SLC39A5: variants seen among roughly 807,000 people sequenced by gnomAD.
SLC39A5 encodes zinc transporter ZIP5.
In SLC39A5, 42 loss-of-function variants were observed where a neutral mutation model predicts 46.9. The ratio of observed to expected loss-of-function variants is 0.90; its 90% CI spans 0.70 to 1.16. The LOEUF is 1.16. Among genes scored for constraint, SLC39A5 ranks in the 50% most tolerant of loss-of-function variants. The pLI is 0.00. For synonymous variants in SLC39A5, 311 were observed against 323.1 expected (o/e 0.96, Z 0.40); for missense variants, 677 against 686.8 (o/e 0.99, Z 0.16).
chr12:56,233,862 CT>C (rs1870473902), intron 5 of SLC39A5, among the ~76,000 whole-genome samples: 1 of 152,166 alleles, frequency 6.6e-6, no homozygotes, highest in African/African-American at 2.4e-5. Context: ...GGTCTTTTCC[CT>C]TTTAAGATTC....
intron 10 of SLC39A5, 47 bp downstream of exon 10, chr12:56,236,793 G>A: frequency 6.3e-7 from 1 of 1,577,586 alleles, no homozygotes; most frequent in Non-Finnish European, 8.6e-7. Context: ...GGGAGGCCAG[G>A]GCTCCTAGTT....
chr12:56,232,640 G>A (rs753748861), intron 4 of SLC39A5, 49 bp from the exon 5 acceptor site: 3 of 1,524,302 alleles, frequency 2.0e-6, no homozygotes, highest in Non-Finnish European at 2.6e-6. Flanking sequence ...CTCAAAGCGG[G>A]TTGATAGAGA....
intron 3 of SLC39A5, 145 bp from the exon 4 acceptor site, chr12:56,231,059 C>T (rs1870153809): frequency 5.8e-6 from 3 of 518,080 alleles, no homozygotes; most frequent in Non-Finnish European, 1.0e-5. Flanking sequence ...GCTGCTCCCG[C>T]AGGAGGCAGT....
intron 12 of SLC39A5, 21 bp downstream of exon 12, chr12:56,237,361 C>T: frequency 6.4e-7 from 1 of 1,565,686 alleles, no homozygotes; most frequent in Non-Finnish European, 8.7e-7. Context: ...TCGGGTAGAG[C>T]AGAGAAATCA....
chr12:56,236,982 T>G lies in SLC39A5; in HGVS notation c.1259T>G (p.Val420Gly), dbSNP rs1465619198. 1 of 1,614,044 alleles carries G rather than the reference T, an allele frequency of 6.2e-7. No individual in the cohort carries two copies. Among genetic ancestry groups the G allele is most frequent in the Non-Finnish European group, 8.5e-7 (1 of 1,179,954 alleles). Residue 420 changes from valine to glycine, a missense_variant, in exon 11 of 13, where the codon GTC becomes GGC. By Grantham distance (109) the Val-to-Gly change is moderately radical. Coordinates refer to ENST00000454355, the MANE Select transcript of SLC39A5 (RefSeq NM_173596.3). ...AGCGGCCTCAGTACCACCTTAGCGG[T>G]CTTCTGCCATGAGCTGCCCCACGAA... ...FSSGLSTTLA[V>G]FCHELPHELG...
At chr12:56,231,069 T>G in intron 3 of SLC39A5, 135 bp from the exon 4 acceptor site, 2 of 541,134 alleles carry the variant, frequency 3.7e-6, no homozygotes, top group Non-Finnish European at 6.4e-6. Context: ...CAGGAGGCAG[T>G]GTGAAGGGAG....
At position 56,232,462 on chromosome 12, in the gene SLC39A5, A is replaced by G. The variant is rs186375036; in HGVS notation, c.288-227A>G. On this transcript the variant is annotated intron_variant, in intron 4 of 12. Transcript: ENST00000454355. Reference sequence around the variant, plus strand: ...ATTACAGGCGTGAGCCACCGTGCCCAGCCATTCGTAGCCCTTTTGGTTGTC... The same window carrying G: ...ATTACAGGCGTGAGCCACCGTGCCCGGCCATTCGTAGCCCTTTTGGTTGTC... Among the ~76,000 whole-genome samples, 12 of 152,000 alleles carry G rather than the reference A, an allele frequency of 7.9e-5. No homozygotes were observed. The South Asian group carries it at 8.3e-4, about 11-fold the overall frequency.
chr12:56,232,229 G>A, intron 4 of SLC39A5, among the ~76,000 whole-genome samples: 1 of 135,618 alleles, frequency 7.4e-6, no homozygotes, highest in African/African-American at 2.8e-5. Flanking sequence ...GCAGTGGTGT[G>A]ATCTTGGCTC....
Position 56,234,666 on chromosome 12 carries a change from G to A in SLC39A5, c.472-158G>A, listed in dbSNP as rs148291320. On this transcript the variant is annotated intron_variant, in intron 5 of 12. Coordinates refer to ENST00000454355, the MANE Select transcript of SLC39A5 (RefSeq NM_173596.3). ...AGTAGAGACAGGGTTTCACTATGTT[G>A]GCCAGGTTGGTCTCAAACTCCTGAC... 2.0e-3 allele frequency among the ~76,000 whole-genome samples: 298 copies of A among 152,192 alleles called. 9 individuals are homozygous for A. In the East Asian group the frequency reaches 0.045, roughly 23 times the overall value.
chr12:56,237,523 C>A, intron 12 of SLC39A5, 65 bp from the exon 13 acceptor site: 1 of 1,605,928 alleles, frequency 6.2e-7, no homozygotes. Flanking sequence ...CTTTCTGACA[C>A]CATTCCTCTG....
At position 56,231,513 on chromosome 12, in the gene SLC39A5, C is replaced by G; in HGVS notation, c.239C>G (p.Pro80Arg). 1 of 1,596,288 alleles carries G rather than the reference C, an allele frequency of 6.3e-7. No homozygotes were observed. Among genetic ancestry groups the G allele is most frequent in the Non-Finnish European group, 8.5e-7 (1 of 1,170,106 alleles). ...GGGCTTCGCCTGGGACAGCATGGGC[C>G]TCTGACTGGACGGGCTGCATCCCCA... ...VQGLRLGQHG[P>R]LTGRAASPAA... Residue 80 changes from proline to arginine, a missense_variant, in exon 4 of 13, where the codon CCT (proline) becomes CGT (arginine). Coordinates refer to ENST00000454355, the MANE Select transcript of SLC39A5 (RefSeq NM_173596.3).
intron 12 of SLC39A5, 106 bp from the exon 13 acceptor site, chr12:56,237,482 G>A: frequency 1.9e-6 from 3 of 1,573,358 alleles, no homozygotes; most frequent in Non-Finnish European, 2.6e-6. Flanking sequence ...AGAAACAAGG[G>A]ACTAAGGTGT....
chr12:56,235,773 G>T, intron 8 of SLC39A5, 73 bp downstream of exon 8: 1 of 1,583,348 alleles, frequency 6.3e-7, no homozygotes. Context: ...GGCCGGGCGC[G>T]GTGGCTCACG....
chr12:56,231,518 A>C lies in SLC39A5; in HGVS notation c.244A>C (p.Thr82Pro). ...GLRLGQHGPL[T>P]GRAASPAADN... ...TCGCCTGGGACAGCATGGGCCTCTG[A>C]CTGGACGGGCTGCATCCCCAGCTGC... Residue 82 changes from threonine (T) to proline (P), a missense_variant, in exon 4 of 13, where the codon ACT becomes CCT. Physicochemically the swap from Thr to Pro is conservative, Grantham distance 38 (BLOSUM62 -1). Transcript: ENST00000454355. 6.3e-7 allele frequency: 1 copy of C among 1,591,440 alleles called. No individual in the cohort carries two copies. Among genetic ancestry groups the C allele is most frequent in the South Asian group, 1.1e-5 (1 of 87,626 alleles).
At chr12:56,237,097 G>A in intron 11 of SLC39A5, 53 bp from the exon 12 acceptor site, 1 of 1,612,158 alleles carries the variant, frequency 6.2e-7, no homozygotes, top group South Asian at 1.1e-5. Context: ...GGGTGGCATG[G>A]ATGAGGGGCA....
chr12:56,232,875 GAGTCTGACGGTCTCT>G lies in SLC39A5; in HGVS notation c.471+6_471+20del, dbSNP rs1410106756. 26 of 1,607,794 alleles carry G rather than the reference GAGTCTGACGGTCTCT, an allele frequency of 1.6e-5. No individual in the cohort carries two copies. Among genetic ancestry groups the G allele is most frequent in the Non-Finnish European group, 2.2e-5 (26 of 1,177,708 alleles). On this transcript the variant is annotated splice_donor_5th_base_variant and intron_variant, in intron 5 of 12. Transcript: ENST00000454355. The stretch of plus-strand genomic sequence containing the variant: ...TGGCTGACCACCTGAATGAGGATGT[GAGTCTGACGGTCTCT>G]AGAGGGGAAGGAGCCATGGGATTAG...
Position 56,237,593 on chromosome 12 carries a change from A to C in SLC39A5, c.1485A>C (p.Pro495=). The change falls in exon 13 of 13, where the codon CCA becomes CCC. Residue 495 remains proline, a synonymous_variant. Transcript: ENST00000454355. ...ACATCCTCTTTTTCTTTCAGCTACCAGCCCTGCTTCGTCCTCCGGAGCCCC... is the reference window on the plus strand; with the variant it reads ...ACATCCTCTTTTTCTTTCAGCTACCCGCCCTGCTTCGTCCTCCGGAGCCCC... ...FLYVALVDML[P]ALLRPPEPLP... 1 of 1,613,784 alleles carries C rather than the reference A, an allele frequency of 6.2e-7. No homozygotes were observed.
In SLC39A5 at chr12:56,237,676, T is replaced by C. The variant is rs763330739; in HGVS notation, c.1568T>C (p.Met523Thr). The C allele has an allele frequency of 1.2e-6, 2 of 1,607,272 alleles. No individual in the cohort carries two copies. Among genetic ancestry groups the C allele is most frequent in the Admixed American group, 1.7e-5 (1 of 58,776 alleles). The change falls in exon 13 of 13, where the codon ATG becomes ACG. Residue 523 changes from methionine (M) to threonine (T), a missense_variant. By Grantham distance (81) the Met-to-Thr change is moderately conservative (BLOSUM62 -1). Coordinates refer to ENST00000454355, the MANE Select transcript of SLC39A5 (RefSeq NM_173596.3). Reference protein sequence around the residue: ...GLGLLLGGGLMLAITLLEERL... With the variant: ...GLGLLLGGGLTLAITLLEERL... The stretch of plus-strand genomic sequence containing the variant: ...GGGCTGCTGCTGGGGGGCGGCCTCA[T>C]GCTTGCCATAACCCTGCTGGAGGAG...
At chr12:56,232,347 G>A (rs561290157) in intron 4 of SLC39A5, among the ~76,000 whole-genome samples, 2 of 151,672 alleles carry the variant, frequency 1.3e-5, no homozygotes, top group East Asian at 1.9e-4. Context: ...TGCAATTTTA[G>A]TAGAGACGGG....
Sources: gnomAD v4.1 joint callset for allele counts (sites outside exome capture counted in the v4.1 genomes callset) on GRCh38, gnomAD v4.1.1 for gene constraint, MANE v1.5 for transcripts, NCBI Gene and HGNC (gene_info 2026-07-23, HGNC 2026-07-21) for gene names.